The following NLGN1 variants were observed in gnomAD, a reference collection of about 807,000 sequenced individuals.
NLGN1 encodes neuroligin-1.
In NLGN1, 12 loss-of-function variants were observed where a neutral mutation model predicts 65.5. The observed-to-expected ratio is 0.18, with a 90% CI of 0.12 to 0.30. The LOEUF is 0.30. Among genes scored for constraint, NLGN1 ranks in the 10% least tolerant of loss-of-function variants. NLGN1 has a pLI of 1.00. For synonymous variants in NLGN1, 350 were observed against 359.5 expected (o/e 0.97, Z 0.30); for missense variants, 750 against 1,007.1 (o/e 0.74, Z 3.46).
intron 2 of NLGN1, among the ~76,000 whole-genome samples, chr3:173,438,003 A>G (rs990389914): frequency 6.7e-6 from 1 of 149,890 alleles, no homozygotes; most frequent in South Asian, 2.1e-4. Flanking sequence ...CCCAATGATT[A>G]TAAAATTTGT....
chr3:173,619,707 G>A (rs1188200901), intron 3 of NLGN1, among the ~76,000 whole-genome samples: 1 of 152,174 alleles, frequency 6.6e-6, no homozygotes, highest in Non-Finnish European at 1.5e-5. Flanking sequence ...AGGATTCAAT[G>A]CCAGATGGTT....
At chr3:173,452,776 G>GA (rs534826738) in intron 2 of NLGN1, among the ~76,000 whole-genome samples, 4 of 152,294 alleles carry the variant, frequency 2.6e-5, no homozygotes, top group African/African-American at 9.6e-5. Flanking sequence ...GGATACCTCA[G>GA]AAATACTGTG....
At chr3:173,742,205 G>T (rs1354082113) in intron 3 of NLGN1, among the ~76,000 whole-genome samples, 1 of 152,100 alleles carries the variant, frequency 6.6e-6, no homozygotes, top group Non-Finnish European at 1.5e-5. Context: ...GCTGCAGGCA[G>T]TTTTATTTTG....
In NLGN1 at chr3:173,529,863, C is replaced by T. The variant is rs192716176; in HGVS notation, c.-320-74416C>T. Among the ~76,000 whole-genome samples, 393 of 152,134 alleles carry T rather than the reference C, an allele frequency of 2.6e-3. 3 individuals carry two copies. The highest frequency in any genetic ancestry group is 4.4e-3 in the Non-Finnish European group (300 of 67,998). On this transcript the variant is annotated intron_variant, in intron 2 of 6. Coordinates refer to ENST00000457714, the Ensembl canonical transcript of NLGN1. ...GGTGGAGTTGGCTGGTTGGGTTGACCGGCCTCTAGCCCTGGGTGGAGTGGT... is the reference window on the plus strand; with the variant it reads ...GGTGGAGTTGGCTGGTTGGGTTGACTGGCCTCTAGCCCTGGGTGGAGTGGT...
At chr3:173,398,178 A>G (rs1716969830), upstream of NLGN1, 1 of 152,194 alleles carries the variant, frequency 6.6e-6, no homozygotes, top group Non-Finnish European at 1.5e-5. Context: ...CCTTGCCTGA[A>G]CCCTCGGCGG....
intron 3 of NLGN1, among the ~76,000 whole-genome samples, chr3:173,741,959 C>T (rs1207714813): frequency 1.3e-5 from 2 of 152,072 alleles, no homozygotes; most frequent in Admixed American, 6.6e-5. Context: ...AGCTGGCCTT[C>T]CCACCCCCTC....
intron 1 of NLGN1, among the ~76,000 whole-genome samples, chr3:173,411,250 T>C (rs945028608): frequency 1.2e-4 from 18 of 152,218 alleles, no homozygotes; most frequent in Admixed American, 1.0e-3. Flanking sequence ...AGTCAGATCA[T>C]TCCCTTACGG....
At chr3:174,257,785 T>C (rs1464751221) in intron 4 of NLGN1, among the ~76,000 whole-genome samples, 1 of 151,464 alleles carries the variant, frequency 6.6e-6, no homozygotes, top group African/African-American at 2.4e-5. Flanking sequence ...TTAAATAATT[T>C]TCATATGCAA....
At chr3:173,810,543 C>T (rs1343097394) in intron 4 of NLGN1, among the ~76,000 whole-genome samples, 1 of 152,184 alleles carries the variant, frequency 6.6e-6, no homozygotes, top group Non-Finnish European at 1.5e-5. Context: ...CTGGTTGGAA[C>T]AATCAGGATG....
intron 4 of NLGN1, among the ~76,000 whole-genome samples, chr3:173,809,660 G>A (rs1342295427): frequency 1.3e-5 from 2 of 151,988 alleles, no homozygotes; most frequent in Non-Finnish European, 2.9e-5. Flanking sequence ...CATAAACTTT[G>A]TTGTTATGTT....
intron 4 of NLGN1, among the ~76,000 whole-genome samples, chr3:174,131,927 T>C (rs527952008): frequency 5.4e-4 from 83 of 152,322 alleles, no homozygotes; most frequent in Non-Finnish European, 1.1e-3. Context: ...GTTCACAGTC[T>C]GGATGCCTAT....
chr3:173,480,523 A>T (rs545925726), intron 2 of NLGN1, among the ~76,000 whole-genome samples: 4 of 152,284 alleles, frequency 2.6e-5, no homozygotes, highest in African/African-American at 9.6e-5. Context: ...GATGTTACTC[A>T]TGGGGTCTGG....
chr3:173,913,837 C>T (rs545886358), intron 4 of NLGN1, among the ~76,000 whole-genome samples: 3 of 152,230 alleles, frequency 2.0e-5, no homozygotes, highest in South Asian at 2.1e-4. Flanking sequence ...AGCAGAAAAA[C>T]ATACACTAAA....
At chr3:173,590,974 T>A (rs1381647838) in intron 2 of NLGN1, among the ~76,000 whole-genome samples, 1 of 152,082 alleles carries the variant, frequency 6.6e-6, no homozygotes, top group East Asian at 1.9e-4. Flanking sequence ...AAATGTGATA[T>A]CTCAGGGAAC....
At chr3:174,120,572 AT>A (rs1204477836) in intron 4 of NLGN1, among the ~76,000 whole-genome samples, 1 of 152,174 alleles carries the variant, frequency 6.6e-6, no homozygotes, top group African/African-American at 2.4e-5. Flanking sequence ...TCATAAATTC[AT>A]TTATTAATTT....
chr3:173,650,633 T>G (rs4894622), intron 3 of NLGN1, among the ~76,000 whole-genome samples: 4,273 of 152,288 alleles, frequency 0.028, 89 homozygotes, highest in Middle Eastern at 0.044. Flanking sequence ...AATTCTTGTT[T>G]CATTTGGAAC....
chr3:173,506,255 T>C (rs1248459304), intron 2 of NLGN1, among the ~76,000 whole-genome samples: 1 of 152,104 alleles, frequency 6.6e-6, no homozygotes, highest in Non-Finnish European at 1.5e-5. Flanking sequence ...GGTTGCCATT[T>C]TATATCTAGG....
At chr3:173,855,154 A>G (rs1228614946) in intron 4 of NLGN1, among the ~76,000 whole-genome samples, 1 of 152,116 alleles carries the variant, frequency 6.6e-6, no homozygotes. Context: ...TATCATTAAC[A>G]GTTGATTATG....
chr3:173,824,437 A>G lies in NLGN1; in HGVS notation c.646+16605A>G, dbSNP rs376852524. 1.4e-4 allele frequency among the ~76,000 whole-genome samples: 21 copies of G among 152,256 alleles called. No homozygotes were observed. The East Asian group carries it at 2.9e-3, about 21-fold the overall frequency. ...TCACTTAACTAGGTGCATGTAATCAATTATGCCCTTGTTTATTGTTGTTTT... is the reference window on the plus strand; with the variant it reads ...TCACTTAACTAGGTGCATGTAATCAGTTATGCCCTTGTTTATTGTTGTTTT... On this transcript the variant is annotated intron_variant, in intron 4 of 6. Coordinates refer to ENST00000457714, the Ensembl canonical transcript of NLGN1.
Sources: allele counts gnomAD v4.1 joint callset (sites outside exome capture counted in the v4.1 genomes callset), GRCh38; gene constraint gnomAD v4.1.1; transcripts MANE v1.5; gene names NCBI Gene and HGNC (gene_info 2026-07-23, HGNC 2026-07-21).